Variants in DNM3 observed in about 807,000 individuals in gnomAD.
DNM3 encodes dynamin-3.
Under a neutral mutation model 101.6 loss-of-function variants are expected in DNM3, and 47 were observed. That is an observed-to-expected ratio of 0.46 (90% CI 0.37 to 0.59). The LOEUF (loss-of-function observed/expected upper bound fraction) is 0.59. Among genes scored for constraint, DNM3 ranks in the 20% least tolerant of loss-of-function variants. DNM3 has a pLI of 0.00. For missense variants in DNM3, 849 were observed against 1,085.7 expected, an observed-to-expected ratio of 0.78 and a Z score of 3.06; for synonymous variants, 385 against 387.9, an observed-to-expected ratio of 0.99 and a Z score of 0.09.
At chr1:172,336,199 C>T (rs1205872176) in intron 17 of DNM3, among the ~76,000 whole-genome samples, 1 of 152,086 alleles carries the variant, frequency 6.6e-6, no homozygotes, top group Non-Finnish European at 1.5e-5. Context: ...TGTTGAGAAT[C>T]TCCATTTTAG....
chr1:172,219,053 G>A (rs746101722), intron 14 of DNM3, among the ~76,000 whole-genome samples: 21 of 152,050 alleles, frequency 1.4e-4, no homozygotes, highest in South Asian at 6.2e-4. Context: ...ATCTGGAAGC[G>A]TGAAAATTGA....
At chr1:171,965,658 G>A (rs75246307) in intron 2 of DNM3, among the ~76,000 whole-genome samples, 2 of 152,132 alleles carry the variant, frequency 1.3e-5, no homozygotes, top group East Asian at 1.9e-4. Flanking sequence ...AAGCATGAGC[G>A]CTTCTGTCCC....
chr1:171,892,276 C>G (rs1210896902), intron 1 of DNM3, among the ~76,000 whole-genome samples: 2 of 152,080 alleles, frequency 1.3e-5, no homozygotes, highest in Admixed American at 6.5e-5. Context: ...CTATAATTGA[C>G]TATTTTTCCA....
intron 14 of DNM3, among the ~76,000 whole-genome samples, chr1:172,181,384 A>G (rs2059338313): frequency 1.1e-5 from 1 of 87,746 alleles, no homozygotes; most frequent in South Asian, 3.3e-4. Flanking sequence ...TTACACACAC[A>G]CACACACACA....
chr1:172,064,892 CT>C (rs1455458126), intron 10 of DNM3, among the ~76,000 whole-genome samples: 1 of 152,162 alleles, frequency 6.6e-6, no homozygotes, highest in Non-Finnish European at 1.5e-5. Flanking sequence ...TTCTCTGTTT[CT>C]TTTGTTCCAC....
chr1:171,928,093 G>C (rs1255763335), intron 2 of DNM3, among the ~76,000 whole-genome samples: 1 of 152,228 alleles, frequency 6.6e-6, no homozygotes, highest in Admixed American at 6.5e-5. Context: ...TCTGGCTTCA[G>C]GGTGGGGTAT....
At chr1:171,992,098 G>C (rs2045672648) in intron 4 of DNM3, among the ~76,000 whole-genome samples, 1 of 152,080 alleles carries the variant, frequency 6.6e-6, no homozygotes, top group South Asian at 2.1e-4. Context: ...TGTGTATTAT[G>C]AATTTTATAA....
chr1:171,865,138 ATATT>A (rs61693683), intron 1 of DNM3, among the ~76,000 whole-genome samples: 62,682 of 151,690 alleles, frequency 0.41, 13,040 homozygotes, highest in Non-Finnish European at 0.43. Context: ...CCTACAAACT[ATATT>A]CATTTATTTA....
At chr1:172,030,491 G>T (rs1188041619) in intron 4 of DNM3, among the ~76,000 whole-genome samples, 2 of 152,022 alleles carry the variant, frequency 1.3e-5, no homozygotes, top group African/African-American at 4.8e-5. Flanking sequence ...CAGGACATGG[G>T]CAAAAACTTC....
rs552230076 is a variant in DNM3, at chr1:172,255,173, C to T, written c.1769+1491C>T. Among the ~76,000 whole-genome samples, 10 of 152,224 alleles carry T rather than the reference C, an allele frequency of 6.6e-5. No homozygotes were observed. The South Asian group carries it at 2.1e-3, about 32-fold the overall frequency. ...GAAAGAAAATTAAGTACAACTAACT[C>T]CCCTACCAAATATTCAAATGGGATT... On this transcript the variant is annotated intron_variant, in intron 15 of 20. Coordinates refer to ENST00000627582, the MANE Select transcript of DNM3 (RefSeq NM_015569.5).
intron 14 of DNM3, chr1:172,138,626 A>G (rs1205684136): frequency 4.6e-6 from 1 of 217,820 alleles, no homozygotes; most frequent in Non-Finnish European, 9.6e-6. Flanking sequence ...GGCACCACTC[A>G]CTTTACTTTT....
intron 12 of DNM3, among the ~76,000 whole-genome samples, chr1:172,091,990 G>A (rs546858938): frequency 6.6e-5 from 10 of 152,152 alleles, no homozygotes; most frequent in Non-Finnish European, 1.2e-4. Flanking sequence ...TATGGGTTGT[G>A]AGAGAAAGAG....
intron 18 of DNM3, chr1:172,386,830 G>A: frequency 3.0e-6 from 1 of 330,846 alleles, no homozygotes; most frequent in South Asian, 3.6e-5. Flanking sequence ...AGACAATATT[G>A]TGAAATGCTC....
downstream of DNM3, chr1:172,412,841 T>C (rs968092529): frequency 2.5e-5 from 19 of 753,122 alleles, no homozygotes; most frequent in Non-Finnish European, 2.9e-5. Flanking sequence ...TAAAGAATGA[T>C]AGCATTTTCC....
intron 13 of DNM3, among the ~76,000 whole-genome samples, chr1:172,116,274 G>A (rs1445187488): frequency 6.6e-6 from 1 of 152,160 alleles, no homozygotes; most frequent in African/African-American, 2.4e-5. Flanking sequence ...TGTCTGGATG[G>A]ATGTGTCTTT....
At chr1:171,890,004 A>G (rs906038052) in intron 1 of DNM3, among the ~76,000 whole-genome samples, 1 of 152,184 alleles carries the variant, frequency 6.6e-6, no homozygotes, top group Non-Finnish European at 1.5e-5. Context: ...TTTACCAGCC[A>G]TATTTTACAG....
At chr1:172,223,942 C>T (rs550533683) in intron 14 of DNM3, among the ~76,000 whole-genome samples, 1 of 152,304 alleles carries the variant, frequency 6.6e-6, no homozygotes, top group African/African-American at 2.4e-5. Context: ...TCTCTGCCAT[C>T]TTCTATCTAC....
chr1:172,172,953 A>G (rs1419847486), intron 14 of DNM3, among the ~76,000 whole-genome samples: 3 of 151,864 alleles, frequency 2.0e-5, no homozygotes, highest in Non-Finnish European at 4.4e-5. Context: ...TCTTTTAGTA[A>G]TTCTATCTAT....
intron 4 of DNM3, among the ~76,000 whole-genome samples, chr1:172,031,158 G>T (rs1331734760): frequency 6.6e-6 from 1 of 152,082 alleles, no homozygotes; most frequent in Non-Finnish European, 1.5e-5. Context: ...AACCCAAATG[G>T]CCATCAGTGA....
Sources: gnomAD v4.1 joint callset for allele counts (sites outside exome capture counted in the v4.1 genomes callset) on GRCh38, gnomAD v4.1.1 for gene constraint, MANE v1.5 for transcripts, NCBI Gene and HGNC (gene_info 2026-07-23, HGNC 2026-07-21) for gene names.